Variants in ZPBP observed in about 807,000 individuals in gnomAD.
ZPBP encodes zona pellucida binding protein, also known as zona pellucida-binding protein 1.
In ZPBP, 26 loss-of-function variants were observed where a neutral mutation model predicts 44.8. The ratio of observed to expected loss-of-function variants is 0.58; its 90% CI spans 0.43 to 0.81. ZPBP has a LOEUF of 0.81. ZPBP is among the 30% of genes least tolerant of loss of function. The probability of loss-of-function intolerance (pLI) is 0.00; values close to 1 mark genes in which losing one functional copy is unlikely to be tolerated. For missense variants in ZPBP, 409 were observed against 434.0 expected, an observed-to-expected ratio of 0.94 and a Z score of 0.51; for synonymous variants, 174 against 153.2, an observed-to-expected ratio of 1.14 and a Z score of -1.00.
At chr7:49,896,425 A>G (rs1430585887) in intron 2 of ZPBP, among the ~76,000 whole-genome samples, 1 of 152,224 alleles carries the variant, frequency 6.6e-6, no homozygotes, top group East Asian at 1.9e-4. Context: ...TGAAATGCTC[A>G]CATTAGAAAA....
chr7:49,949,361 T>C (rs950516762), intron 7 of ZPBP, among the ~76,000 whole-genome samples: 1 of 152,130 alleles, frequency 6.6e-6, no homozygotes, highest in Admixed American at 6.6e-5. Flanking sequence ...TTATTCACAA[T>C]AGCCAACAGC....
intron 2 of ZPBP, among the ~76,000 whole-genome samples, chr7:49,864,950 TC>T (rs1319854048): frequency 6.6e-6 from 1 of 152,204 alleles, no homozygotes; most frequent in African/African-American, 2.4e-5. Context: ...TTCTGACAGT[TC>T]CTGTTTGTTT....
intron 6 of ZPBP, among the ~76,000 whole-genome samples, chr7:50,006,971 T>G (rs190358430): frequency 1.0e-3 from 157 of 152,060 alleles, no homozygotes; most frequent in Non-Finnish European, 1.8e-3. Flanking sequence ...AATGCCAAGG[T>G]AGGGCCTTTG....
At chr7:50,074,763 T>C (rs1802003589) in intron 3 of ZPBP, among the ~76,000 whole-genome samples, 1 of 151,918 alleles carries the variant, frequency 6.6e-6, no homozygotes. Flanking sequence ...CACTCAGATA[T>C]ATAAAGAAAA....
At chr7:49,921,160 G>A (rs1794000024) in intron 1 of ZPBP, 1 of 152,224 alleles carries the variant, frequency 6.6e-6, no homozygotes, top group South Asian at 2.1e-4. Flanking sequence ...GAATTCAAGT[G>A]AGGGGAAAAG....
intron 6 of ZPBP, among the ~76,000 whole-genome samples, chr7:50,017,306 TCCC>T (rs913669795): frequency 6.6e-6 from 1 of 152,052 alleles, no homozygotes; most frequent in Non-Finnish European, 1.5e-5. Flanking sequence ...GCATTTGCAC[TCCC>T]ATAAGAATCT....
intron 1 of ZPBP, among the ~76,000 whole-genome samples, chr7:49,924,135 T>A (rs929689165): frequency 7.6e-5 from 11 of 144,008 alleles, no homozygotes; most frequent in Middle Eastern, 3.5e-3. Flanking sequence ...ATAATAATAA[T>A]AAATAATAAT....
intron 3 of ZPBP, among the ~76,000 whole-genome samples, chr7:50,062,602 T>C (rs1169772034): frequency 6.6e-6 from 1 of 152,164 alleles, no homozygotes; most frequent in Admixed American, 6.5e-5. Flanking sequence ...TAAACGGTTC[T>C]GGAATAACTG....
chr7:50,046,601 T>A (rs148352891), intron 4 of ZPBP, among the ~76,000 whole-genome samples: 1 of 152,130 alleles, frequency 6.6e-6, no homozygotes, highest in Non-Finnish European at 1.5e-5. Context: ...TAAGATACCA[T>A]CTCACACCAG....
chr7:49,942,055 A>G (rs1188143648), intron 7 of ZPBP, among the ~76,000 whole-genome samples: 1 of 152,142 alleles, frequency 6.6e-6, no homozygotes, highest in Non-Finnish European at 1.5e-5. Flanking sequence ...AACTGGATAT[A>G]CACAGACAAC....
chr7:50,068,713 A>G (rs1801668391), intron 3 of ZPBP, among the ~76,000 whole-genome samples: 1 of 152,162 alleles, frequency 6.6e-6, no homozygotes, highest in Admixed American at 6.5e-5. Context: ...TAAGCTGAGT[A>G]GCATTCACAC....
At chr7:49,920,098 T>A (rs1225431180) in intron 1 of ZPBP, 1 of 151,936 alleles carries the variant, frequency 6.6e-6, no homozygotes, top group East Asian at 1.9e-4. Context: ...GTTATTATAA[T>A]AACCAGGAGA....
At chr7:49,963,277 T>C (rs1439740724) in intron 7 of ZPBP, among the ~76,000 whole-genome samples, 1 of 151,694 alleles carries the variant, frequency 6.6e-6, no homozygotes, top group Non-Finnish European at 1.5e-5. Flanking sequence ...ATCTCATACA[T>C]TGCTGGTGGG....
chr7:50,074,735 A>C (rs916938844), intron 3 of ZPBP, among the ~76,000 whole-genome samples: 5 of 151,998 alleles, frequency 3.3e-5, no homozygotes, highest in Non-Finnish European at 5.9e-5. Flanking sequence ...ATAAATACGT[A>C]TACACCCAAC....
chr7:49,984,731 G>A (rs1183118940), intron 6 of ZPBP, among the ~76,000 whole-genome samples: 1 of 152,118 alleles, frequency 6.6e-6, no homozygotes, highest in Non-Finnish European at 1.5e-5. Context: ...ACTGGTACTG[G>A]TCCGAGGCCT....
chr7:49,884,389 T>TA (rs1325280302), intron 2 of ZPBP, among the ~76,000 whole-genome samples: 1 of 151,968 alleles, frequency 6.6e-6, no homozygotes, highest in Non-Finnish European at 1.5e-5. Flanking sequence ...GAACAGGAGA[T>TA]AAAGTCTCAA....
chr7:50,030,045 A>G (rs958862021), intron 5 of ZPBP, among the ~76,000 whole-genome samples: 1 of 152,076 alleles, frequency 6.6e-6, no homozygotes, highest in African/African-American at 2.4e-5. Context: ...TAGTAGAGGC[A>G]GGTTTCGCCA....
chr7:50,045,084 T>G (rs947576627), intron 4 of ZPBP, among the ~76,000 whole-genome samples: 1 of 152,192 alleles, frequency 6.6e-6, no homozygotes, highest in Non-Finnish European at 1.5e-5. Flanking sequence ...AAAAGGTCTT[T>G]GATAAAATAC....
chr7:50,086,604 G>A (rs1035811318), intron 2 of ZPBP, among the ~76,000 whole-genome samples: 4 of 151,958 alleles, frequency 2.6e-5, no homozygotes, highest in African/African-American at 9.7e-5. Context: ...AGCAAACTGA[G>A]AAGGCAGAAG....
Sources: gnomAD v4.1 joint callset for allele counts (sites outside exome capture counted in the v4.1 genomes callset) on GRCh38, gnomAD v4.1.1 for gene constraint, MANE v1.5 for transcripts, NCBI Gene and HGNC (gene_info 2026-07-23, HGNC 2026-07-21) for gene names.